Variants in CYP7B1 observed in about 807,000 individuals in gnomAD.
CYP7B1 encodes cytochrome P450 family 7 subfamily B member 1.
CYP7B1 carries 29 observed loss-of-function variants against 42.7 expected under a neutral mutation model. The observed-to-expected ratio is 0.68, with a 90% CI of 0.51 to 0.93. The LOEUF (loss-of-function observed/expected upper bound fraction) is 0.93, where lower values mean the gene tolerates loss of function less well. Among genes scored for constraint, CYP7B1 ranks in the 40% least tolerant of loss-of-function variants. The probability of loss-of-function intolerance (pLI) is 0.00; values close to 1 mark genes in which losing one functional copy is unlikely to be tolerated. For synonymous variants in CYP7B1, 235 were observed against 218.2 expected, an observed-to-expected ratio of 1.08 and a Z score of -0.68; for missense variants, 655 against 600.5, an observed-to-expected ratio of 1.09 and a Z score of -0.95.
intron 1 of CYP7B1, among the ~76,000 whole-genome samples, chr8:64,691,494 G>GGA (rs1806744505): frequency 8.1e-6 from 1 of 123,108 alleles, no homozygotes; most frequent in Non-Finnish European, 1.8e-5. Context: ...GGGGGGGGGG[G>GGA]TGGTGGTTAA....
chr8:64,772,765 AAATC>A (rs890962472), intron 1 of CYP7B1, among the ~76,000 whole-genome samples: 14 of 152,300 alleles, frequency 9.2e-5, no homozygotes, highest in Non-Finnish European at 1.9e-4. Context: ...TTAGGAATAA[AAATC>A]AAGCCTCACA....
intron 1 of CYP7B1, among the ~76,000 whole-genome samples, chr8:64,704,393 G>A (rs1259299580): frequency 6.6e-6 from 1 of 151,958 alleles, no homozygotes; most frequent in African/African-American, 2.4e-5. Flanking sequence ...TCATCTCAGT[G>A]GGTTCCCCAT....
At chr8:64,731,999 G>C (rs1807418659) in intron 1 of CYP7B1, among the ~76,000 whole-genome samples, 1 of 152,236 alleles carries the variant, frequency 6.6e-6, no homozygotes, top group Non-Finnish European at 1.5e-5. Flanking sequence ...GCAGAAGTGT[G>C]CTACAGGGGC....
intron 1 of CYP7B1, among the ~76,000 whole-genome samples, chr8:64,763,921 C>G (rs921094255): frequency 1.3e-5 from 2 of 152,216 alleles, no homozygotes; most frequent in African/African-American, 4.8e-5. Context: ...AGCTCTGAAT[C>G]TACTTCCTCC....
intron 1 of CYP7B1, among the ~76,000 whole-genome samples, chr8:64,668,398 T>C (rs1274966552): frequency 1.3e-5 from 2 of 152,022 alleles, no homozygotes; most frequent in Admixed American, 6.6e-5. Context: ...GACCACTATA[T>C]GAGGCTCATA....
At chr8:64,687,797 G>A (rs1806678760) in intron 1 of CYP7B1, among the ~76,000 whole-genome samples, 1 of 152,224 alleles carries the variant, frequency 6.6e-6, no homozygotes, top group East Asian at 1.9e-4. Context: ...CATATAGCTG[G>A]GAAAACAGCT....
intron 2 of CYP7B1, among the ~76,000 whole-genome samples, chr8:64,624,071 G>A (rs1805570194): frequency 1.3e-5 from 2 of 151,788 alleles, no homozygotes; most frequent in African/African-American, 4.8e-5. Flanking sequence ...CAAATAAAGA[G>A]CATTAATTTA....
intron 1 of CYP7B1, among the ~76,000 whole-genome samples, chr8:64,753,650 G>A (rs1364190203): frequency 6.6e-6 from 1 of 152,176 alleles, no homozygotes; most frequent in African/African-American, 2.4e-5. Flanking sequence ...TAGTCACTGG[G>A]AACAGGCAAG....
chr8:64,656,650 T>C (rs1357814414), intron 1 of CYP7B1, among the ~76,000 whole-genome samples: 2 of 152,304 alleles, frequency 1.3e-5, no homozygotes, highest in East Asian at 3.9e-4. Flanking sequence ...CTGAATGAGG[T>C]CACACAATCA....
At position 64,727,974 on chromosome 8, in the gene CYP7B1, C is replaced by G. The variant is rs571407389; in HGVS notation, c.122+70492G>C. The G allele has an allele frequency of 3.3e-5, 5 of 152,336 alleles. No homozygotes were observed. In the South Asian group the frequency reaches 1.0e-3, roughly 32 times the overall value. 9.4% of individuals were successfully genotyped at this position (152,336 alleles called of 1,614,324 possible). A position where few individuals can be genotyped will look rare whatever the true frequency, so the allele number is the denominator to read the frequency against. ...ATTACCATCATTATCTCTTCATCCT[C>G]TCATTCACCACCACAATGGAGAAGT... On this transcript the variant is annotated intron_variant, in intron 1 of 5. Coordinates refer to ENST00000310193, the MANE Select transcript of CYP7B1 (RefSeq NM_004820.5).
Position 64,798,595 on chromosome 8 carries a change from G to A in CYP7B1, c.-8C>T. On this transcript the variant is annotated 5_prime_UTR_variant, in exon 1 of 6. Transcript: ENST00000310193. Reference sequence around the variant, plus strand: ...GGACACTTCTCCTGCCATCCGGCGCGCGCTAGGCCGCGGTGGGCAGCCCGG... The same window carrying A: ...GGACACTTCTCCTGCCATCCGGCGCACGCTAGGCCGCGGTGGGCAGCCCGG... 2.1e-6 allele frequency: 3 copies of A among 1,457,506 alleles called. No individual in the cohort carries two copies. Among genetic ancestry groups the A allele is most frequent in the Non-Finnish European group, 2.7e-6 (3 of 1,114,512 alleles). 90.3% of individuals were successfully genotyped at this position (1,457,506 alleles called of 1,614,324 possible). A position where few individuals can be genotyped will look rare whatever the true frequency, so the allele number is the denominator to read the frequency against.
intron 1 of CYP7B1, among the ~76,000 whole-genome samples, chr8:64,630,060 C>T (rs1805667070): frequency 6.6e-6 from 1 of 152,122 alleles, no homozygotes; most frequent in Non-Finnish European, 1.5e-5. Context: ...GAGGGCTATA[C>T]CCAAAGATAT....
At chr8:64,598,514 G>A (rs2097797528) in intron 5 of CYP7B1, among the ~76,000 whole-genome samples, 1 of 152,172 alleles carries the variant, frequency 6.6e-6, no homozygotes, top group African/African-American at 2.4e-5. Flanking sequence ...TTATTAGGAA[G>A]CCTCTCACTG....
intron 1 of CYP7B1, among the ~76,000 whole-genome samples, chr8:64,693,162 G>T (rs7827287): frequency 0.45 from 68,462 of 152,140 alleles, 16,442 homozygotes; most frequent in Middle Eastern, 0.52. Flanking sequence ...TGATCTGCAT[G>T]ACAGAGTACT....
At chr8:64,765,057 T>C (rs1261500768) in intron 1 of CYP7B1, among the ~76,000 whole-genome samples, 1 of 151,620 alleles carries the variant, frequency 6.6e-6, no homozygotes, top group Non-Finnish European at 1.5e-5. Context: ...AATTGCCTAA[T>C]AATTGGTCTG....
At chr8:64,646,997 C>T (rs1805963370) in intron 1 of CYP7B1, among the ~76,000 whole-genome samples, 1 of 152,234 alleles carries the variant, frequency 6.6e-6, no homozygotes, top group Non-Finnish European at 1.5e-5. Flanking sequence ...GCCTTCCTCA[C>T]TAAGCTTAAT....
chr8:64,648,514 CAT>C (rs1333868111), intron 1 of CYP7B1, among the ~76,000 whole-genome samples: 6 of 152,236 alleles, frequency 3.9e-5, no homozygotes, highest in Non-Finnish European at 8.8e-5. Flanking sequence ...TTTCTCAACA[CAT>C]GTCATTAACA....
rs1032229386 is a variant in CYP7B1 at position 64,596,763 on chromosome 8, A to G, written c.1400T>C (p.Leu467Ser). The G allele has an allele frequency of 1.6e-5, 26 of 1,613,946 alleles. No homozygotes were observed. The highest frequency in any genetic ancestry group is 2.2e-5 in the Non-Finnish European group (26 of 1,179,974). The change falls in exon 6 of 6, where the codon TTA (leucine) becomes TCA (serine). Residue 467 changes from leucine to serine, a missense_variant. Coordinates refer to ENST00000310193, the MANE Select transcript of CYP7B1 (RefSeq NM_004820.5). ...MEIKQLLVIL[L>S]TYFDLEIIDD... The stretch of plus-strand genomic sequence containing the variant: ...AATTATTTCTAAATCAAAATAAGTT[A>G]AAAGTATAACCAACAATTGTTTTAT...
intron 1 of CYP7B1, among the ~76,000 whole-genome samples, chr8:64,774,990 T>C (rs1454674590): frequency 6.6e-6 from 1 of 152,176 alleles, no homozygotes; most frequent in African/African-American, 2.4e-5. Flanking sequence ...AGTATAAATA[T>C]AGATGGTCAA....
Sources: gnomAD v4.1 joint callset for allele counts (sites outside exome capture counted in the v4.1 genomes callset) on GRCh38, gnomAD v4.1.1 for gene constraint, MANE v1.5 for transcripts, NCBI Gene and HGNC (gene_info 2026-07-23, HGNC 2026-07-21) for gene names.